The following LRFN5 variants were observed in gnomAD, a reference collection of about 807,000 sequenced individuals.
The protein encoded by LRFN5 is leucine-rich repeat and fibronectin type-III domain-containing protein 5.
A neutral mutation model predicts 45.6 loss-of-function variants in LRFN5; 24 were observed. The ratio of observed to expected loss-of-function variants is 0.53; its 90% CI spans 0.38 to 0.74. The LOEUF is 0.74. LRFN5 is among the 30% of genes least tolerant of loss of function. LRFN5 has a pLI of 0.00. For synonymous variants in LRFN5, 340 were observed against 313.8 expected (o/e 1.08, Z -0.88); for missense variants, 776 against 861.5 (o/e 0.90, Z 1.24).
chr14:41,716,967 A>G (rs902547239), intron 1 of LRFN5, among the ~76,000 whole-genome samples: 60 of 152,120 alleles, frequency 3.9e-4, no homozygotes, highest in African/African-American at 1.4e-3. Context: ...TTACTTTTCT[A>G]TGCTCTATTT....
chr14:41,882,606 A>C (rs373163949), intron 2 of LRFN5, among the ~76,000 whole-genome samples: 5 of 152,210 alleles, frequency 3.3e-5, no homozygotes, highest in African/African-American at 1.2e-4. Context: ...CCATATTTTT[A>C]AGATAATATT....
At chr14:41,624,228 A>G (rs8003822) in intron 1 of LRFN5, among the ~76,000 whole-genome samples, 74,422 of 151,818 alleles carry the variant, frequency 0.49, 18,340 homozygotes, top group Non-Finnish European at 0.52. Context: ...TATAGTCCAA[A>G]ACATTATACT....
At chr14:41,760,380 G>T (rs187081148) in intron 1 of LRFN5, among the ~76,000 whole-genome samples, 151 of 152,178 alleles carry the variant, frequency 9.9e-4, no homozygotes, top group African/African-American at 3.5e-3. Flanking sequence ...GTGTCACTGT[G>T]CCTTGCTTCT....
At chr14:41,889,384 A>T (rs1890701891) in intron 3 of LRFN5, among the ~76,000 whole-genome samples, 1 of 152,000 alleles carries the variant, frequency 6.6e-6, no homozygotes, top group African/African-American at 2.4e-5. Context: ...TCCCTTCATC[A>T]CTAAATATAT....
At chr14:41,623,368 A>G (rs1002681712) in intron 1 of LRFN5, among the ~76,000 whole-genome samples, 3 of 152,084 alleles carry the variant, frequency 2.0e-5, no homozygotes, top group Non-Finnish European at 4.4e-5. Context: ...TTCCCCAGCC[A>G]TGCTAAACTG....
At chr14:41,800,183 A>T (rs1033491652) in intron 2 of LRFN5, among the ~76,000 whole-genome samples, 1 of 152,004 alleles carries the variant, frequency 6.6e-6, no homozygotes, top group African/African-American at 2.4e-5. Flanking sequence ...TCCTATAATT[A>T]TTTGTGTATT....
chr14:41,706,262 G>A (rs1883063959), intron 1 of LRFN5, among the ~76,000 whole-genome samples: 1 of 151,952 alleles, frequency 6.6e-6, no homozygotes, highest in Non-Finnish European at 1.5e-5. Context: ...CATCACGACT[G>A]GCTAATTTTG....
chr14:41,837,739 G>T (rs1391161619), intron 2 of LRFN5, among the ~76,000 whole-genome samples: 1 of 152,130 alleles, frequency 6.6e-6, no homozygotes, highest in East Asian at 1.9e-4. Flanking sequence ...TCATGTGGAA[G>T]AATTATTCTG....
chr14:41,774,696 G>A (rs990520478), intron 2 of LRFN5, among the ~76,000 whole-genome samples: 23 of 152,128 alleles, frequency 1.5e-4, no homozygotes, highest in African/African-American at 5.1e-4. Flanking sequence ...CGTTAACTTA[G>A]ATGTTAGTTA....
chr14:41,621,013 T>G (rs1888115765), intron 1 of LRFN5, among the ~76,000 whole-genome samples: 1 of 152,070 alleles, frequency 6.6e-6, no homozygotes, highest in African/African-American at 2.4e-5. Flanking sequence ...CATAAAGCAC[T>G]AAAATTTACT....
At chr14:41,629,438 C>G (rs1039471471) in intron 1 of LRFN5, among the ~76,000 whole-genome samples, 4 of 152,168 alleles carry the variant, frequency 2.6e-5, no homozygotes, top group African/African-American at 9.7e-5. Flanking sequence ...ATTTCACTCT[C>G]TTCAACACAC....
intron 1 of LRFN5, among the ~76,000 whole-genome samples, chr14:41,706,439 A>T (rs1883071487): frequency 6.6e-6 from 1 of 152,078 alleles, no homozygotes; most frequent in Non-Finnish European, 1.5e-5. Flanking sequence ...TGCTTTTTTT[A>T]AAATTTTTTA....
chr14:41,694,176 A>T (rs908909063), intron 1 of LRFN5, among the ~76,000 whole-genome samples: 6 of 151,640 alleles, frequency 4.0e-5, no homozygotes, highest in African/African-American at 1.5e-4. Flanking sequence ...CATTTACTTG[A>T]TTTTTTTTGT....
At chr14:41,817,957 T>G (rs1469703944) in intron 2 of LRFN5, among the ~76,000 whole-genome samples, 1 of 152,162 alleles carries the variant, frequency 6.6e-6, no homozygotes, top group African/African-American at 2.4e-5. Flanking sequence ...CATCCCATCA[T>G]GAAACCAGAA....
chr14:41,632,258 T>G (rs994469137), intron 1 of LRFN5, among the ~76,000 whole-genome samples: 21 of 152,252 alleles, frequency 1.4e-4, no homozygotes, highest in African/African-American at 4.8e-4. Flanking sequence ...TTCTTTACTA[T>G]GCTGTTACTT....
At chr14:41,752,011 A>T (rs1317665388) in intron 1 of LRFN5, among the ~76,000 whole-genome samples, 1 of 152,008 alleles carries the variant, frequency 6.6e-6, no homozygotes, top group Non-Finnish European at 1.5e-5. Flanking sequence ...GAGAACATGC[A>T]GTGTTTGGTT....
At position 41,832,782 on chromosome 14, in the gene LRFN5, C is replaced by T. The variant is rs12588271; in HGVS notation, c.-20-53824C>T. Among the ~76,000 whole-genome samples the T allele has an allele frequency of 6.3e-3, 957 of 152,194 alleles. 38 individuals carry two copies. The East Asian group carries it at 0.079, about 13-fold the overall frequency. ...TACCATTACCGATTTTTCAAAATGC[C>T]GTTCTACTTTTCTCTTGTGTGAGCT... is the stretch of plus-strand genomic sequence containing the variant. On this transcript the variant is annotated intron_variant, in intron 2 of 5. Coordinates refer to ENST00000298119, the MANE Select transcript of LRFN5 (RefSeq NM_152447.5).
intron 5 of LRFN5, among the ~76,000 whole-genome samples, chr14:41,899,403 C>G (rs1891038600): frequency 6.6e-6 from 1 of 152,114 alleles, no homozygotes; most frequent in Non-Finnish European, 1.5e-5. Flanking sequence ...AAGTGTTTCA[C>G]TGTTATCTAA....
chr14:41,646,567 T>C (rs1390808821), intron 1 of LRFN5, among the ~76,000 whole-genome samples: 15 of 152,214 alleles, frequency 9.9e-5, no homozygotes, highest in Non-Finnish European at 2.1e-4. Context: ...AAATGCTTCC[T>C]TTAGCCTTGA....
Sources: allele counts gnomAD v4.1 joint callset (sites outside exome capture counted in the v4.1 genomes callset), GRCh38; gene constraint gnomAD v4.1.1; transcripts MANE v1.5; gene names NCBI Gene and HGNC (gene_info 2026-07-23, HGNC 2026-07-21).